BRD8: variants seen among roughly 807,000 people sequenced by gnomAD.
The protein encoded by BRD8 is bromodomain-containing protein 8.
BRD8 carries 67 observed loss-of-function variants against 143.1 expected under a neutral mutation model. That is an observed-to-expected ratio of 0.47 (90% CI 0.38 to 0.57). The LOEUF (loss-of-function observed/expected upper bound fraction) is 0.57. Ranked by LOEUF, BRD8 falls within the 20% of genes least tolerant of loss-of-function variation. The pLI is 0.00. For synonymous variants in BRD8, 505 were observed against 517.1 expected, an observed-to-expected ratio of 0.98 and a Z score of 0.32; for missense variants, 1,103 against 1,503.0, an observed-to-expected ratio of 0.73 and a Z score of 4.40.
In BRD8 at chr5:138,166,643, T is replaced by C; in HGVS notation, c.872A>G (p.Glu291Gly). ...GGGTGGCACAAGTTTAACTGGAGGC[T>C]CACTGGCAACAGTAGTGAAGGAAGC... Reference protein sequence around the residue: ...PLASFTTVASEPPVKLVPPPV... With the variant: ...PLASFTTVASGPPVKLVPPPV... The change falls in exon 10 of 27, where the codon GAG (glutamate) becomes GGG (glycine). Residue 291 changes from glutamate (E) to glycine (G), a missense_variant. Physicochemically the swap from Glu to Gly is moderately conservative, Grantham distance 98. This residue lies in a region of BRD8 where 334 missense variants were observed against 372.5 expected (regional missense o/e 0.90). Coordinates refer to ENST00000254900, the MANE Select transcript of BRD8 (RefSeq NM_139199.2). 1 of 1,613,850 alleles carries C rather than the reference T, an allele frequency of 6.2e-7. No homozygotes were observed. Among genetic ancestry groups the C allele is most frequent in the Non-Finnish European group, 8.5e-7 (1 of 1,179,778 alleles).
At chr5:138,161,463 G>A (rs1304688995) in intron 17 of BRD8, among the ~76,000 whole-genome samples, 3 of 151,992 alleles carry the variant, frequency 2.0e-5, no homozygotes, top group South Asian at 2.1e-4. Context: ...CTACAAATGC[G>A]CGACACCACA....
intron 8 of BRD8, 101 bp downstream of exon 8, chr5:138,169,121 G>C: frequency 1.6e-6 from 2 of 1,275,334 alleles, no homozygotes. Context: ...CAGATCAAGA[G>C]AGGAAGTTGC....
At chr5:138,176,221 A>T (rs1754324269) in intron 2 of BRD8, among the ~76,000 whole-genome samples, 1 of 148,240 alleles carries the variant, frequency 6.7e-6, no homozygotes, top group African/African-American at 2.6e-5. Context: ...TCAAGTGATT[A>T]AAAAAAACAA....
rs763089453 is a variant in BRD8, at chr5:138,160,138, G to C, written c.2463C>G (p.Ser821=). The C allele has an allele frequency of 1.2e-6, 2 of 1,613,970 alleles. No homozygotes were observed. The highest frequency in any genetic ancestry group is 1.3e-5 in the African/African-American group (1 of 74,886). The stretch of plus-strand genomic sequence containing the variant: ...GACTTTTAGCACTGATCCCAGACTC[G>C]GATGTTTGCATAATCAACTGCGTGG... ...FLATQLIMQT[S]ESGISAKSLR... is the part of the protein sequence containing the mutation. The change falls in exon 19 of 27, where the codon TCC becomes TCG. Residue 821 remains serine (S), a synonymous_variant. Coordinates refer to ENST00000254900, the MANE Select transcript of BRD8 (RefSeq NM_139199.2).
intron 2 of BRD8, among the ~76,000 whole-genome samples, chr5:138,173,750 G>C (rs1005591819): frequency 5.3e-5 from 8 of 152,082 alleles, no homozygotes; most frequent in Admixed American, 4.6e-4. Flanking sequence ...TTTTTGTAGG[G>C]AACAGTTTCT....
rs111692402 is a variant in BRD8 at position 138,150,433 on chromosome 5, C to T, written c.3120+312G>A. ...TGCCAGATAATATTAATAATGATGA[C>T]GGTATTCTAAATTTTACTGATTGCT... On this transcript the variant is annotated intron_variant, in intron 22 of 26. Coordinates refer to ENST00000254900, the MANE Select transcript of BRD8 (RefSeq NM_139199.2). Among the ~76,000 whole-genome samples, 315 of 152,192 alleles carry T rather than the reference C, an allele frequency of 2.1e-3. 4 individuals carry two copies. The highest frequency in any genetic ancestry group is 7.0e-3 in the African/African-American group (291 of 41,536).
At chr5:138,167,781 C>T in intron 9 of BRD8, 153 bp downstream of exon 9, 1 of 658,912 alleles carries the variant, frequency 1.5e-6, no homozygotes, top group Non-Finnish European at 2.7e-6. Context: ...ATGGAGACTA[C>T]ATTGTTTACC....
rs374228012 is a variant in BRD8 at position 138,149,737 on chromosome 5, C to T, written c.3181G>A (p.Glu1061Lys). 2.5e-6 allele frequency: 4 copies of T among 1,613,822 alleles called. No individual in the cohort carries two copies. The highest frequency in any genetic ancestry group is 2.2e-5 in the South Asian group (2 of 91,030). ...CACTCGCCTGAAGGGGGCTGGTCTT[C>T]CATCTCTGACACATATACTTCACCC... ...DQGEVYVSEM[E>K]DQPPSGECDD... Residue 1061 changes from glutamate (E) to lysine (K), a missense_variant, in exon 23 of 27, where the codon GAA becomes AAA. Coordinates refer to ENST00000254900, the MANE Select transcript of BRD8 (RefSeq NM_139199.2).
chr5:138,170,476 T>C (rs376893237), intron 6 of BRD8, 67 bp from the exon 7 acceptor site: 3 of 1,576,558 alleles, frequency 1.9e-6, no homozygotes, highest in African/African-American at 1.3e-5. Context: ...ACAGAACCCT[T>C]ACAAAGTAAT....
At chr5:138,156,044 T>G (rs1023011367) in intron 20 of BRD8, among the ~76,000 whole-genome samples, 1 of 151,758 alleles carries the variant, frequency 6.6e-6, no homozygotes, top group African/African-American at 2.4e-5. Flanking sequence ...TGGGCTAATT[T>G]TTTTTTTTTT....
chr5:138,153,401 G>A (rs1389305068), intron 20 of BRD8, among the ~76,000 whole-genome samples: 1 of 151,566 alleles, frequency 6.6e-6, no homozygotes, highest in East Asian at 1.9e-4. Flanking sequence ...TTCATGCTTG[G>A]TCCTCTGCTT....
Position 138,166,120 on chromosome 5 carries a change from A to G in BRD8, c.998-12T>C. Reference sequence around the variant, plus strand: ...GTCGGGTTGACTCACTGAGTAACAGAAAGAGAAAAGCATCTCAGAAGCTTA... The same window carrying G: ...GTCGGGTTGACTCACTGAGTAACAGGAAGAGAAAAGCATCTCAGAAGCTTA... On this transcript the variant is annotated splice_polypyrimidine_tract_variant and intron_variant, in intron 10 of 26. Coordinates refer to ENST00000254900, the MANE Select transcript of BRD8 (RefSeq NM_139199.2). The G allele has an allele frequency of 6.2e-7, 1 of 1,602,746 alleles. No homozygotes were observed. The highest frequency in any genetic ancestry group is 8.5e-7 in the Non-Finnish European group (1 of 1,174,794).
intron 15 of BRD8, among the ~76,000 whole-genome samples, chr5:138,162,680 T>A (rs886199454): frequency 2.0e-5 from 3 of 151,186 alleles, no homozygotes; most frequent in African/African-American, 4.9e-5. Context: ...CTTAAAAAAA[T>A]TTTTTTAAAA....
intron 1 of BRD8, 64 bp from the exon 2 acceptor site, chr5:138,177,731 C>A: frequency 2.1e-6 from 2 of 963,730 alleles, no homozygotes; most frequent in Non-Finnish European, 3.2e-6. Context: ...TGCTAAGCTC[C>A]AAAATCCCCA....
intron 20 of BRD8, chr5:138,158,004 T>A (rs1453318078): frequency 6.6e-6 from 1 of 152,190 alleles, no homozygotes; most frequent in Non-Finnish European, 1.5e-5. Context: ...ATTTTTACAT[T>A]TCTAATATGC....
At chr5:138,154,007 C>T (rs1032224658) in intron 20 of BRD8, among the ~76,000 whole-genome samples, 1 of 152,168 alleles carries the variant, frequency 6.6e-6, no homozygotes, top group Non-Finnish European at 1.5e-5. Context: ...ACAGAACCCA[C>T]AATTCTGTTT....
At chr5:138,143,102 T>C (rs1751980096) in intron 25 of BRD8, among the ~76,000 whole-genome samples, 1 of 151,338 alleles carries the variant, frequency 6.6e-6, no homozygotes. Flanking sequence ...CTGGGCACCA[T>C]GGTGAAACTC....
At chr5:138,162,220 G>A (rs940015372) in intron 15 of BRD8, 74 bp from the exon 16 acceptor site, 3 of 1,220,226 alleles carry the variant, frequency 2.5e-6, no homozygotes, top group Admixed American at 2.1e-5. Flanking sequence ...TTCTTTTTGA[G>A]ACAGGGTCTC....
chr5:138,171,184 A>T, intron 4 of BRD8, 24 bp from the exon 5 acceptor site: 2 of 1,590,402 alleles, frequency 1.3e-6, no homozygotes, highest in Non-Finnish European at 1.7e-6. Flanking sequence ...AAAAAAAAAA[A>T]TTCATATTCA....
Sources: gnomAD v4.1 joint callset for allele counts (sites outside exome capture counted in the v4.1 genomes callset) on GRCh38, gnomAD v4.1.1 for gene constraint, gnomAD v4.1.1 regional missense constraint, MANE v1.5 for transcripts, NCBI Gene and HGNC (gene_info 2026-07-23, HGNC 2026-07-21) for gene names.